The following HIPK2 variants were observed in gnomAD, a reference collection of about 807,000 sequenced individuals.
HIPK2 encodes homeodomain-interacting protein kinase 2.
A neutral mutation model predicts 113.7 loss-of-function variants in HIPK2; 27 were observed. That is an observed-to-expected ratio of 0.24 (90% CI 0.17 to 0.33). The LOEUF (loss-of-function observed/expected upper bound fraction) is 0.33, where lower values mean the gene tolerates loss of function less well. Ranked by LOEUF, HIPK2 falls within the 10% of genes least tolerant of loss-of-function variation. The pLI is 1.00. For missense variants in HIPK2, 1,257 were observed against 1,588.0 expected (o/e 0.79, Z 3.54); for synonymous variants, 631 against 642.2 (o/e 0.98, Z 0.26).
At chr7:139,680,004 T>C (rs1202798439) in intron 2 of HIPK2, among the ~76,000 whole-genome samples, 1 of 151,992 alleles carries the variant, frequency 6.6e-6, no homozygotes, top group African/African-American at 2.4e-5. Flanking sequence ...TCGCTGCAAA[T>C]GTATGCAAAG....
At chr7:139,664,068 CA>C (rs1801959746) in intron 2 of HIPK2, among the ~76,000 whole-genome samples, 1 of 152,252 alleles carries the variant, frequency 6.6e-6, no homozygotes, top group African/African-American at 2.4e-5. Context: ...CACACTTGGT[CA>C]TCTCGCTTCA....
intron 2 of HIPK2, among the ~76,000 whole-genome samples, chr7:139,635,833 G>A (rs184109327): frequency 1.3e-3 from 199 of 152,264 alleles, no homozygotes; most frequent in African/African-American, 4.7e-3. Flanking sequence ...CGGCTCCCAC[G>A]TTAGAAAACA....
In HIPK2 at chr7:139,604,640, C is replaced by A. The variant is rs924293782; in HGVS notation, c.2113-417G>T. 2.9e-5 allele frequency among the ~76,000 whole-genome samples: 4 copies of A among 137,136 alleles called. No homozygotes were observed. In the Admixed American group the frequency reaches 3.1e-4, roughly 11 times the overall value. The allele number at this position is 137,136 out of a possible 152,430, so 90.0% of individuals were successfully genotyped here. ...AGCTTGAAGAAGTGAGCCGAGATGGCGCCACTGCACTCCAGCCTGGGCGAC... is the reference window on the plus strand; with the variant it reads ...AGCTTGAAGAAGTGAGCCGAGATGGAGCCACTGCACTCCAGCCTGGGCGAC... On this transcript the variant is annotated intron_variant, in intron 9 of 14. Coordinates refer to ENST00000406875, the MANE Select transcript of HIPK2 (RefSeq NM_022740.5).
intron 2 of HIPK2, among the ~76,000 whole-genome samples, chr7:139,667,467 C>G (rs1802087658): frequency 6.6e-6 from 1 of 152,184 alleles, no homozygotes; most frequent in African/African-American, 2.4e-5. Flanking sequence ...TTTAGAAGAA[C>G]TGTACACATA....
intron 13 of HIPK2, among the ~76,000 whole-genome samples, chr7:139,580,718 G>A (rs1443953001): frequency 1.3e-5 from 2 of 152,226 alleles, no homozygotes; most frequent in Non-Finnish European, 2.9e-5. Context: ...ACCCCTCTGT[G>A]CCTCCATTTT....
chr7:139,717,294 C>T (rs7458885), intron 1 of HIPK2, among the ~76,000 whole-genome samples: 16,687 of 152,136 alleles, frequency 0.11, 1,588 homozygotes, highest in African/African-American at 0.22. Flanking sequence ...ACATAGGTCA[C>T]CATTTTTTTT....
chr7:139,634,994 T>A (rs1396988919), intron 2 of HIPK2, among the ~76,000 whole-genome samples: 3 of 152,138 alleles, frequency 2.0e-5, no homozygotes, highest in African/African-American at 7.2e-5. Flanking sequence ...GAAGGGAATA[T>A]CTGAAAAGAA....
chr7:139,771,977 C>T (rs1206728509), intron 1 of HIPK2, among the ~76,000 whole-genome samples: 1 of 152,206 alleles, frequency 6.6e-6, no homozygotes, highest in Non-Finnish European at 1.5e-5. Context: ...GAATTGGTCA[C>T]TCAGGGAGTT....
intron 1 of HIPK2, among the ~76,000 whole-genome samples, chr7:139,774,212 C>T (rs949315269): frequency 6.6e-6 from 1 of 151,910 alleles, no homozygotes; most frequent in African/African-American, 2.4e-5. Flanking sequence ...GTAAGCATCT[C>T]AGAAGATAGA....
chr7:139,772,120 C>T (rs1796662335), intron 1 of HIPK2, among the ~76,000 whole-genome samples: 1 of 152,150 alleles, frequency 6.6e-6, no homozygotes. Flanking sequence ...GGCTCTATGC[C>T]CCTGAAGCTA....
intron 2 of HIPK2, among the ~76,000 whole-genome samples, chr7:139,686,249 G>A (rs978692679): frequency 6.6e-6 from 1 of 152,200 alleles, no homozygotes. Context: ...CTGAAGATGT[G>A]ACTGAATTGC....
In HIPK2 at chr7:139,777,720, C is replaced by G. The variant is rs1020524636; in HGVS notation, c.-97G>C. The G allele has an allele frequency of 9.9e-7, 1 of 1,012,364 alleles. No homozygotes were observed. Among genetic ancestry groups the G allele is most frequent in the Non-Finnish European group, 1.2e-6 (1 of 845,134 alleles). 62.7% of individuals were successfully genotyped at this position (1,012,364 alleles called of 1,614,324 possible). On this transcript the variant is annotated 5_prime_UTR_variant, in exon 1 of 15. Coordinates refer to ENST00000406875, the MANE Select transcript of HIPK2 (RefSeq NM_022740.5). Reference sequence around the variant, plus strand: ...TCAGTCGGAATCTGCCATCTTGAGCCTGTGTCTCCGCTCTCGGCGCAGCCG... The same window carrying G: ...TCAGTCGGAATCTGCCATCTTGAGCGTGTGTCTCCGCTCTCGGCGCAGCCG...
At chr7:139,623,797 C>G (rs2116855224) in intron 6 of HIPK2, among the ~76,000 whole-genome samples, 1 of 152,262 alleles carries the variant, frequency 6.6e-6, no homozygotes, top group East Asian at 1.9e-4. Flanking sequence ...CCCTCTGACT[C>G]TGGAGACAGC....
At chr7:139,596,591 G>T in intron 12 of HIPK2, 126 bp downstream of exon 12, 1 of 1,340,948 alleles carries the variant, frequency 7.5e-7, no homozygotes, top group Non-Finnish European at 1.0e-6. Flanking sequence ...ACAGTAGATG[G>T]CAAAACCAAA....
chr7:139,616,331 T>C (rs952383299), intron 7 of HIPK2, among the ~76,000 whole-genome samples: 2 of 152,178 alleles, frequency 1.3e-5, no homozygotes, highest in Non-Finnish European at 2.9e-5. Context: ...GATCATTCTT[T>C]CCACAAGACA....
intron 9 of HIPK2, among the ~76,000 whole-genome samples, chr7:139,605,206 G>A (rs1037315287): frequency 3.3e-5 from 5 of 151,840 alleles, no homozygotes; most frequent in South Asian, 4.2e-4. Context: ...TAAAATGAAC[G>A]TTTGTGATTC....
In HIPK2 at chr7:139,573,364, TC is replaced by T; in HGVS notation, c.3159del (p.Ser1054AlafsTer93). On this transcript the variant is annotated frameshift_variant, in exon 15 of 15. Coordinates refer to ENST00000406875, the MANE Select transcript of HIPK2 (RefSeq NM_022740.5). LOFTEE classifies it high-confidence loss of function. Reference protein sequence around the residue: ...AQQHITTDRTGSHRRQQAYIT... With the variant: ...AQQHITTDRTXSHRRQQAYIT... The stretch of plus-strand genomic sequence containing the variant: ...ATGTAGGCCTGCTGCCTTCGGTGGC[TC>T]CCAGTGCGGTCCGTGGTGATGTGCT... 6.2e-7 allele frequency: 1 copy of T among 1,604,600 alleles called. No individual in the cohort carries two copies.
chr7:139,600,878 G>A (rs1243423447), intron 10 of HIPK2, among the ~76,000 whole-genome samples: 1 of 152,202 alleles, frequency 6.6e-6, no homozygotes, highest in African/African-American at 2.4e-5. Flanking sequence ...TCTAGGGACT[G>A]GAGATAAATA....
chr7:139,615,857 C>T (rs541499292), intron 7 of HIPK2, among the ~76,000 whole-genome samples: 1 of 152,322 alleles, frequency 6.6e-6, no homozygotes, highest in African/African-American at 2.4e-5. Flanking sequence ...GCACAGATGT[C>T]TGATTTTAAG....
Sources: gnomAD v4.1 joint callset for allele counts (sites outside exome capture counted in the v4.1 genomes callset) on GRCh38, gnomAD v4.1.1 for gene constraint, MANE v1.5 for transcripts, NCBI Gene and HGNC (gene_info 2026-07-23, HGNC 2026-07-21) for gene names.